Variants in IRAG2 observed in about 807,000 individuals in gnomAD.
IRAG2 encodes the protein lymphoid restricted membrane protein.
IRAG2 carries 45 observed loss-of-function variants against 69.9 expected under a neutral mutation model. The observed-to-expected ratio is 0.64, with a 90% confidence interval of 0.51 to 0.83. The LOEUF (loss-of-function observed/expected upper bound fraction) is 0.83, where lower values mean the gene tolerates loss of function less well. Among genes scored for constraint, IRAG2 ranks in the 40% least tolerant of loss-of-function variants. IRAG2 has a pLI of 0.00. For synonymous variants in IRAG2, 193 were observed against 202.4 expected (o/e 0.95, Z 0.40); for missense variants, 520 against 587.0 (o/e 0.89, Z 1.18).
intron 5 of IRAG2, among the ~76,000 whole-genome samples, chr12:25,068,951 C>T (rs1401632944): frequency 6.6e-6 from 1 of 152,188 alleles, no homozygotes; most frequent in African/African-American, 2.4e-5. Flanking sequence ...GAACCTATAC[C>T]TGTCCCTGCC....
At chr12:24,998,538 C>T in the IRAG2 span, among the ~76,000 whole-genome samples, 1 of 150,872 alleles carries the variant, frequency 6.6e-6, no homozygotes, top group Admixed American at 6.6e-5. Context: ...CTCTGCCCTC[C>T]CACTGAGCTC....
chr12:25,069,446 G>C lies in IRAG2; in HGVS notation c.24+15G>C. On this transcript the variant is annotated intron_variant, in intron 6 of 21. Coordinates refer to ENST00000556887, the MANE Select transcript of IRAG2 (RefSeq NM_001366544.2). ...CAAGTATGGAAGTGAGTGTTGGACTGGATTTTGGTTTCATTTTCAGTATTA... is the reference window on the plus strand; with the variant it reads ...CAAGTATGGAAGTGAGTGTTGGACTCGATTTTGGTTTCATTTTCAGTATTA... 1 of 1,612,850 alleles carries C rather than the reference G, an allele frequency of 6.2e-7. No individual in the cohort carries two copies. Among genetic ancestry groups the C allele is most frequent in the Non-Finnish European group, 8.5e-7 (1 of 1,179,006 alleles).
intron 3 of IRAG2, among the ~76,000 whole-genome samples, chr12:25,012,763 G>C (rs1186969075): frequency 6.6e-6 from 1 of 152,158 alleles, no homozygotes; most frequent in Non-Finnish European, 1.5e-5. Context: ...GGGAGGTGGA[G>C]GTTGAAGTGA....
At chr12:25,025,876 G>T (rs1468522589) in intron 8 of IRAG2, among the ~76,000 whole-genome samples, 1 of 152,206 alleles carries the variant, frequency 6.6e-6, no homozygotes, top group Non-Finnish European at 1.5e-5. Flanking sequence ...AGCTGAGAGT[G>T]AGGATGTTGG....
intron 7 of IRAG2, 23 bp downstream of exon 7, chr12:25,079,313 T>C (rs755957913): frequency 6.2e-7 from 1 of 1,613,300 alleles, no homozygotes; most frequent in Non-Finnish European, 8.5e-7. Flanking sequence ...GTGTTGTGTG[T>C]GTGAATTTGT....
At chr12:25,060,736 C>G (rs1945574668) in intron 1 of IRAG2, among the ~76,000 whole-genome samples, 1 of 143,022 alleles carries the variant, frequency 7.0e-6, no homozygotes, top group African/African-American at 2.6e-5. Context: ...TCTTGGCTCA[C>G]TGCAACCTTC....
At chr12:25,020,707 C>T (rs1487049920) in intron 6 of IRAG2, 25 of 583,668 alleles carry the variant, frequency 4.3e-5, no homozygotes, top group Non-Finnish European at 5.3e-5. Flanking sequence ...AACTTGGGTC[C>T]AAAATAGTCC....
chr12:25,017,642 T>G (rs1030049394), intron 6 of IRAG2, among the ~76,000 whole-genome samples: 1 of 151,874 alleles, frequency 6.6e-6, no homozygotes, highest in East Asian at 1.9e-4. Flanking sequence ...CGCTTGAATC[T>G]GGGAGGCAGA....
At chr12:25,020,611 C>G (rs1304576640) in intron 6 of IRAG2, among the ~76,000 whole-genome samples, 1 of 152,196 alleles carries the variant, frequency 6.6e-6, no homozygotes, top group African/African-American at 2.4e-5. Flanking sequence ...CCCATTTTCT[C>G]CAAATTCCTT....
At chr12:25,070,244 G>T (rs189109328) in intron 6 of IRAG2, among the ~76,000 whole-genome samples, 1 of 152,086 alleles carries the variant, frequency 6.6e-6, no homozygotes, top group African/African-American at 2.4e-5. Context: ...AATAAACTGC[G>T]TACCCATTGG....
intron 3 of IRAG2, among the ~76,000 whole-genome samples, chr12:25,063,297 C>T (rs910091606): frequency 6.6e-6 from 1 of 152,204 alleles, no homozygotes; most frequent in Admixed American, 6.5e-5. Context: ...AGTGATCCAC[C>T]TACCTTGGCC....
chr12:25,081,162 T>TCC (rs1053577019), intron 9 of IRAG2, among the ~76,000 whole-genome samples: 2 of 151,950 alleles, frequency 1.3e-5, no homozygotes, highest in African/African-American at 4.8e-5. Context: ...TCTCTCTCTC[T>TCC]CTCAAAATAT....
intron 15 of IRAG2, chr12:25,097,688 A>G (rs2140216801): frequency 6.6e-6 from 1 of 152,324 alleles, no homozygotes; most frequent in East Asian, 1.9e-4. Flanking sequence ...TAGTTTGATC[A>G]TTTGTTATAT....
chr12:25,055,692 G>A (rs1202501457), intron 1 of IRAG2, among the ~76,000 whole-genome samples: 1 of 152,172 alleles, frequency 6.6e-6, no homozygotes, highest in Non-Finnish European at 1.5e-5. Context: ...ACCTGTGAGT[G>A]AGAATATGCA....
intron 9 of IRAG2, among the ~76,000 whole-genome samples, chr12:25,027,893 A>G (rs1252807169): frequency 6.6e-6 from 1 of 152,090 alleles, no homozygotes. Context: ...GAGTGAAATT[A>G]CTGGGTCACT....
intron 6 of IRAG2, among the ~76,000 whole-genome samples, chr12:25,073,671 T>G (rs542132814): frequency 1.3e-5 from 2 of 152,324 alleles, no homozygotes; most frequent in Non-Finnish European, 2.9e-5. Context: ...GGAGCCCTGT[T>G]TGGGACATTC....
chr12:25,072,209 GA>G (rs886554774), intron 6 of IRAG2, among the ~76,000 whole-genome samples: 7 of 147,458 alleles, frequency 4.7e-5, no homozygotes, highest in African/African-American at 1.3e-4. Flanking sequence ...CATCTCAAAA[GA>G]AAAAAAAAGA....
rs371803566 is a variant in IRAG2, at chr12:25,067,404, C to T, written c.-59+892C>T. On this transcript the variant is annotated intron_variant, in intron 5 of 21. Transcript: ENST00000556887. ...GAAATGGGCGTCCAGTAATTCAGTT[C>T]AATTCCAACGTTATCTACCTGGAAA... is the stretch of plus-strand genomic sequence containing the variant. Among the ~76,000 whole-genome samples the T allele has an allele frequency of 1.8e-4, 27 of 152,286 alleles. No homozygotes were observed. The East Asian group carries it at 5.2e-3, about 29-fold the overall frequency.
intron 14 of IRAG2, among the ~76,000 whole-genome samples, chr12:25,094,432 C>A (rs1948284797): frequency 6.6e-6 from 1 of 151,906 alleles, no homozygotes; most frequent in Non-Finnish European, 1.5e-5. Context: ...TTCCATTGGT[C>A]TATATGTCTG....
Sources: gnomAD v4.1 joint callset for allele counts (sites outside exome capture counted in the v4.1 genomes callset) on GRCh38, gnomAD v4.1.1 for gene constraint, MANE v1.5 for transcripts, NCBI Gene and HGNC (gene_info 2026-07-23, HGNC 2026-07-21) for gene names.